The following NRG3 variants were observed in gnomAD, a reference collection of about 807,000 sequenced individuals.
NRG3 encodes pro-neuregulin-3, membrane-bound isoform.
A neutral mutation model predicts 66.9 loss-of-function variants in NRG3; 31 were observed. That is an observed-to-expected ratio of 0.46 (90% CI 0.35 to 0.63). The LOEUF (loss-of-function observed/expected upper bound fraction) is 0.63. Among genes scored for constraint, NRG3 ranks in the 20% least tolerant of loss-of-function variants. The probability of loss-of-function intolerance (pLI) is 0.00; values close to 1 mark genes in which losing one functional copy is unlikely to be tolerated. For missense variants in NRG3, 910 were observed against 878.9 expected (o/e 1.04, Z -0.45); for synonymous variants, 393 against 359.4 (o/e 1.09, Z -1.06).
At chr10:82,779,858 T>C (rs4339982) in intron 3 of NRG3, among the ~76,000 whole-genome samples, 3,164 of 151,992 alleles carry the variant, frequency 0.021, 119 homozygotes, top group African/African-American at 0.073. Context: ...TTTCTCCTAA[T>C]GTTATCCCTC....
At chr10:82,767,179 A>G (rs2059548979) in intron 3 of NRG3, among the ~76,000 whole-genome samples, 1 of 151,866 alleles carries the variant, frequency 6.6e-6, no homozygotes, top group African/African-American at 2.4e-5. Context: ...TCTCCCTCCA[A>G]TACTCACAGT....
At chr10:82,386,839 G>A (rs376437440) in intron 2 of NRG3, among the ~76,000 whole-genome samples, 22 of 151,908 alleles carry the variant, frequency 1.4e-4, no homozygotes, top group African/African-American at 2.2e-4. Flanking sequence ...CTGCTCTGTC[G>A]CCCAGGCTGG....
At chr10:82,630,687 A>T (rs2133718530) in intron 2 of NRG3, among the ~76,000 whole-genome samples, 1 of 152,246 alleles carries the variant, frequency 6.6e-6, no homozygotes, top group African/African-American at 2.4e-5. Context: ...AAAAAAAAAA[A>T]ATTAAGTTGA....
At chr10:81,942,135 G>T (rs1253175954) in intron 1 of NRG3, among the ~76,000 whole-genome samples, 1 of 152,020 alleles carries the variant, frequency 6.6e-6, no homozygotes, top group African/African-American at 2.4e-5. Flanking sequence ...TAATTCAGAG[G>T]CTAGAATTTC....
At chr10:82,494,750 G>A (rs372446177) in intron 2 of NRG3, among the ~76,000 whole-genome samples, 13 of 152,140 alleles carry the variant, frequency 8.5e-5, no homozygotes, top group African/African-American at 3.1e-4. Context: ...AATAATCAGT[G>A]TGTATGTGGT....
intron 4 of NRG3, among the ~76,000 whole-genome samples, chr10:82,924,979 G>C (rs1049761768): frequency 6.6e-6 from 1 of 152,160 alleles, no homozygotes; most frequent in African/African-American, 2.4e-5. Context: ...ACTTTTTGGA[G>C]TGATTACTCA....
chr10:82,463,239 A>C (rs1345334492), intron 2 of NRG3, among the ~76,000 whole-genome samples: 1 of 152,206 alleles, frequency 6.6e-6, no homozygotes, highest in Admixed American at 6.5e-5. Context: ...CAGATGAAAT[A>C]TCAAGCACAG....
chr10:82,336,142 G>C (rs2082374511), intron 1 of NRG3, among the ~76,000 whole-genome samples: 1 of 152,072 alleles, frequency 6.6e-6, no homozygotes, highest in Admixed American at 6.6e-5. Flanking sequence ...AACTAAATCT[G>C]ATTCTTTGTG....
At chr10:82,067,776 C>G (rs1463026412) in intron 1 of NRG3, among the ~76,000 whole-genome samples, 4 of 152,162 alleles carry the variant, frequency 2.6e-5, no homozygotes, top group South Asian at 2.1e-4. Flanking sequence ...GGGAGCCACT[C>G]AAGAAACCTT....
chr10:82,040,540 G>A (rs775942614), intron 1 of NRG3, among the ~76,000 whole-genome samples: 17 of 151,858 alleles, frequency 1.1e-4, no homozygotes, highest in Non-Finnish European at 2.2e-4. Flanking sequence ...CTGTATACTG[G>A]CACATGCATT....
intron 2 of NRG3, among the ~76,000 whole-genome samples, chr10:82,662,061 A>T (rs1485677241): frequency 1.3e-5 from 2 of 152,200 alleles, no homozygotes; most frequent in Non-Finnish European, 2.9e-5. Flanking sequence ...CCCAAAGCCA[A>T]ATGCCCCTGC....
intron 4 of NRG3, among the ~76,000 whole-genome samples, chr10:82,882,495 C>T (rs1564599263): frequency 6.6e-6 from 1 of 152,176 alleles, no homozygotes; most frequent in Admixed American, 6.5e-5. Context: ...ACATTATAGA[C>T]ATTTCTGCTC....
At chr10:82,480,020 C>T (rs946202644) in intron 2 of NRG3, among the ~76,000 whole-genome samples, 1 of 152,106 alleles carries the variant, frequency 6.6e-6, no homozygotes, top group Non-Finnish European at 1.5e-5. Flanking sequence ...ATTTAAAAAA[C>T]GTGTTCTGTC....
intron 4 of NRG3, among the ~76,000 whole-genome samples, chr10:82,897,790 G>A (rs1843808286): frequency 2.0e-5 from 3 of 152,156 alleles, no homozygotes; most frequent in Admixed American, 2.0e-4. Flanking sequence ...AAAGTGCCGG[G>A]ATTACAGGCA....
chr10:82,843,791 A>T (rs2063176357), intron 3 of NRG3, among the ~76,000 whole-genome samples: 1 of 152,208 alleles, frequency 6.6e-6, no homozygotes, highest in Non-Finnish European at 1.5e-5. Context: ...AGCAATATTA[A>T]TGAGCAGCGA....
At position 82,919,160 on chromosome 10, in the gene NRG3, C is replaced by A. The variant is rs540244294; in HGVS notation, c.1055-32309C>A. On this transcript the variant is annotated intron_variant, in intron 4 of 8. Transcript: ENST00000372141. Reference sequence around the variant, plus strand: ...AAAAGTCATCTCCATTTTCTCAAAGCAGCATCAACTTTAGAATGAGAAAGT... The same window carrying A: ...AAAAGTCATCTCCATTTTCTCAAAGAAGCATCAACTTTAGAATGAGAAAGT... Among the ~76,000 whole-genome samples the A allele has an allele frequency of 3.3e-5, 5 of 151,704 alleles. No homozygotes were observed. In the South Asian group the frequency reaches 8.3e-4, roughly 25 times the overall value.
At chr10:82,626,244 T>C (rs902407745) in intron 2 of NRG3, among the ~76,000 whole-genome samples, 2 of 152,210 alleles carry the variant, frequency 1.3e-5, no homozygotes, top group African/African-American at 4.8e-5. Context: ...TTAAGTTTGC[T>C]TGATGGGCTT....
chr10:82,352,428 A>G (rs561726872), intron 1 of NRG3, among the ~76,000 whole-genome samples: 2 of 152,342 alleles, frequency 1.3e-5, no homozygotes, highest in African/African-American at 4.8e-5. Context: ...GACTATGAGT[A>G]GCAGTCATAG....
intron 1 of NRG3, among the ~76,000 whole-genome samples, chr10:81,896,234 C>T (rs1004381173): frequency 1.6e-4 from 24 of 152,026 alleles, no homozygotes; most frequent in African/African-American, 5.3e-4. Context: ...GCTCCGGAAG[C>T]GTGGGATGCT....
Sources: allele counts gnomAD v4.1 joint callset (sites outside exome capture counted in the v4.1 genomes callset), GRCh38; gene constraint gnomAD v4.1.1; transcripts MANE v1.5; gene names NCBI Gene and HGNC (gene_info 2026-07-23, HGNC 2026-07-21).